Variants in ROBO1 observed in about 807,000 individuals in gnomAD.
ROBO1 encodes the protein roundabout guidance receptor 1.
Under a neutral mutation model 195.9 loss-of-function variants are expected in ROBO1, and 149 were observed. That is an observed-to-expected ratio of 0.76 (90% CI 0.67 to 0.87). The LOEUF (loss-of-function observed/expected upper bound fraction) is 0.87, where lower values mean the gene tolerates loss of function less well. ROBO1 is among the 40% of genes least tolerant of loss of function. ROBO1 has a pLI of 0.00. For synonymous variants in ROBO1, 816 were observed against 733.2 expected (o/e 1.11, Z -1.82); for missense variants, 1,933 against 2,068.3 (o/e 0.93, Z 1.27).
intron 2 of ROBO1, among the ~76,000 whole-genome samples, chr3:79,327,683 G>A (rs1323394020): frequency 2.6e-5 from 4 of 152,038 alleles, no homozygotes; most frequent in Non-Finnish European, 5.9e-5. Context: ...TTTTGTGTGT[G>A]TATTTCAAGC....
chr3:79,138,431 T>C (rs2080458505), intron 2 of ROBO1, among the ~76,000 whole-genome samples: 1 of 152,080 alleles, frequency 6.6e-6, no homozygotes, highest in South Asian at 2.1e-4. Context: ...GGAATGAATA[T>C]GAATTACCTC....
chr3:79,572,540 T>A lies in ROBO1; in HGVS notation c.88+17284A>T, dbSNP rs1362384186. On this transcript the variant is annotated intron_variant, in intron 2 of 30. Coordinates refer to ENST00000464233, the MANE Select transcript of ROBO1 (RefSeq NM_002941.4). ...TATAAAATTTTAGCTGAAACTATGCTTATCTTTTTTTAAGACAAATTATCA... is the reference window on the plus strand; with the variant it reads ...TATAAAATTTTAGCTGAAACTATGCATATCTTTTTTTAAGACAAATTATCA... Among the ~76,000 whole-genome samples the A allele has an allele frequency of 2.6e-5, 4 of 152,078 alleles. No homozygotes were observed. The East Asian group carries it at 5.8e-4, about 22-fold the overall frequency.
rs1482977959 is a variant in ROBO1, at chr3:79,722,154, A to G, written c.-51+45598T>C. On this transcript the variant is annotated intron_variant, in intron 1 of 30. Transcript: ENST00000464233. ...TTACTAAGTATTTTAAGGAAACTAA[A>G]TAATATTTTACTTTGGAAAACTAAT... is the stretch of plus-strand genomic sequence containing the variant. 2.0e-5 allele frequency among the ~76,000 whole-genome samples: 3 copies of G among 150,180 alleles called. No homozygotes were observed. In the East Asian group the frequency reaches 6.0e-4, roughly 30 times the overall value.
intron 2 of ROBO1, among the ~76,000 whole-genome samples, chr3:79,364,098 G>A (rs1251075294): frequency 2.6e-5 from 4 of 151,952 alleles, no homozygotes; most frequent in African/African-American, 7.3e-5. Flanking sequence ...CAGCTGCTCA[G>A]GAGGCTGAGG....
chr3:79,168,266 A>C (rs2081105348), intron 2 of ROBO1, among the ~76,000 whole-genome samples: 1 of 152,172 alleles, frequency 6.6e-6, no homozygotes, highest in Admixed American at 6.5e-5. Context: ...TGCTAAAAGA[A>C]ATACTTTGAT....
intron 4 of ROBO1, among the ~76,000 whole-genome samples, chr3:78,774,656 A>T (rs1022583756): frequency 6.6e-6 from 1 of 152,144 alleles, no homozygotes; most frequent in Non-Finnish European, 1.5e-5. Flanking sequence ...ACTCACTTTA[A>T]CTTTCATATT....
intron 3 of ROBO1, among the ~76,000 whole-genome samples, chr3:79,080,650 T>G (rs1576649813): frequency 6.6e-6 from 1 of 152,180 alleles, no homozygotes; most frequent in East Asian, 1.9e-4. Context: ...TAAAACATGT[T>G]TGATCCTTCA....
intron 3 of ROBO1, among the ~76,000 whole-genome samples, chr3:78,960,408 AT>A (rs1360267864): frequency 6.6e-6 from 1 of 150,556 alleles, no homozygotes; most frequent in East Asian, 1.9e-4. Context: ...CTATATTTCT[AT>A]GTATTATACA....
chr3:79,307,424 C>T (rs963912715), intron 2 of ROBO1, among the ~76,000 whole-genome samples: 1 of 152,084 alleles, frequency 6.6e-6, no homozygotes, highest in Non-Finnish European at 1.5e-5. Context: ...AAGTGTACTG[C>T]TCAGAAAATA....
chr3:79,379,067 T>C (rs2036481642), intron 2 of ROBO1, among the ~76,000 whole-genome samples: 1 of 152,204 alleles, frequency 6.6e-6, no homozygotes, highest in Admixed American at 6.5e-5. Context: ...ATAAATCATT[T>C]AAGTTTTTGG....
At chr3:79,112,750 C>T (rs1455801040) in intron 3 of ROBO1, among the ~76,000 whole-genome samples, 1 of 141,278 alleles carries the variant, frequency 7.1e-6, no homozygotes, top group Non-Finnish European at 1.5e-5. Flanking sequence ...CACACCCACA[C>T]TGGGGCCTGT....
At chr3:78,766,655 T>C (rs1576120999) in intron 4 of ROBO1, among the ~76,000 whole-genome samples, 1 of 152,190 alleles carries the variant, frequency 6.6e-6, no homozygotes, top group African/African-American at 2.4e-5. Flanking sequence ...CAGTACTATG[T>C]TGAAGAGGAA....
chr3:79,311,904 C>A (rs987149566), intron 2 of ROBO1, among the ~76,000 whole-genome samples: 2 of 152,084 alleles, frequency 1.3e-5, no homozygotes, highest in Non-Finnish European at 2.9e-5. Context: ...AAAAAAGCCA[C>A]CTAAAAGTGT....
chr3:78,679,219 A>G (rs1455671552), intron 10 of ROBO1, among the ~76,000 whole-genome samples: 1 of 151,806 alleles, frequency 6.6e-6, no homozygotes, highest in Non-Finnish European at 1.5e-5. Flanking sequence ...AGCCAATATC[A>G]TACTGAATGG....
intron 4 of ROBO1, among the ~76,000 whole-genome samples, chr3:78,869,897 C>A (rs949840892): frequency 2.6e-5 from 4 of 152,242 alleles, no homozygotes. Flanking sequence ...ATAGTAAGCA[C>A]TAGAAATTAT....
At chr3:79,354,670 T>G (rs1251048676) in intron 2 of ROBO1, among the ~76,000 whole-genome samples, 1 of 152,190 alleles carries the variant, frequency 6.6e-6, no homozygotes, top group Non-Finnish European at 1.5e-5. Context: ...CTCTGCCTCT[T>G]ATTTCCTCCT....
intron 2 of ROBO1, among the ~76,000 whole-genome samples, chr3:79,258,649 T>C (rs1483521105): frequency 6.6e-6 from 1 of 152,148 alleles, no homozygotes; most frequent in African/African-American, 2.4e-5. Context: ...AATCACCACC[T>C]TGGCCTGAAG....
intron 1 of ROBO1, among the ~76,000 whole-genome samples, chr3:79,703,656 G>C (rs1229437474): frequency 8.6e-5 from 13 of 151,880 alleles, no homozygotes; most frequent in Non-Finnish European, 1.8e-4. Flanking sequence ...GTAAAAATCT[G>C]TGTGGTCTCT....
At chr3:79,436,822 T>C (rs981416268) in intron 2 of ROBO1, among the ~76,000 whole-genome samples, 3 of 152,084 alleles carry the variant, frequency 2.0e-5, no homozygotes, top group Non-Finnish European at 2.9e-5. Flanking sequence ...AAGGTGGTTA[T>C]AAAAAGATGG....
Sources: gnomAD v4.1 joint callset for allele counts (sites outside exome capture counted in the v4.1 genomes callset) on GRCh38, gnomAD v4.1.1 for gene constraint, MANE v1.5 for transcripts, NCBI Gene and HGNC (gene_info 2026-07-23, HGNC 2026-07-21) for gene names.